PHACTR2: variants seen among roughly 807,000 people sequenced by gnomAD.
PHACTR2 encodes the protein chromosome 6 open reading frame 56.
A neutral mutation model predicts 76.0 loss-of-function variants in PHACTR2; 30 were observed. The ratio of observed to expected loss-of-function variants is 0.39; its 90% CI spans 0.30 to 0.54. PHACTR2 has a LOEUF of 0.54. Among genes scored for constraint, PHACTR2 ranks in the 20% least tolerant of loss-of-function variants. The probability of loss-of-function intolerance (pLI) is 0.61; values close to 1 mark genes in which losing one functional copy is unlikely to be tolerated. For synonymous variants in PHACTR2, 292 were observed against 292.5 expected, an observed-to-expected ratio of 1.00 and a Z score of 0.02; for missense variants, 696 against 781.1, an observed-to-expected ratio of 0.89 and a Z score of 1.30.
Position 143,759,011 on chromosome 6 carries a change from T to G in PHACTR2, c.455-1390T>G, listed in dbSNP as rs556392274. Among the ~76,000 whole-genome samples, 64 of 152,330 alleles carry G rather than the reference T, an allele frequency of 4.2e-4. 1 individual carries two copies. Among genetic ancestry groups the G allele is most frequent in the Admixed American group, 3.8e-3 (58 of 15,304 alleles). On this transcript the variant is annotated intron_variant, in intron 4 of 12. Coordinates refer to ENST00000440869, the MANE Select transcript of PHACTR2 (RefSeq NM_001100164.2). ...GCCTTGGTTAAGGCTCGATCTTGTC[T>G]TAACACTGTCTCAAGGTTTTTATTG...
rs900962258 is a variant in PHACTR2 at position 143,793,435 on chromosome 6, C to T, written c.1845+4525C>T. On this transcript the variant is annotated intron_variant, in intron 11 of 12. Transcript: ENST00000440869. This position sits in a 1 kb window ranked among gnomAD's most constrained non-coding sequence, Gnocchi z 4.4. ...TCCCTTGCAGATCTGAGCCCCAGAG[C>T]ACAGCCACTGCCCCTCTCTCCTCAC... Among the ~76,000 whole-genome samples the T allele has an allele frequency of 5.3e-5, 8 of 152,096 alleles. No individual in the cohort carries two copies. The highest frequency in any genetic ancestry group is 1.9e-4 in the African/African-American group (8 of 41,438).
rs925983652 is a variant in PHACTR2, at chr6:143,571,766, C to T, written c.217+34559C>T. Reference sequence around the variant, plus strand: ...TTCCTTACTTTCTGGGACCACAAGACGTTCCAGACTCATCTTGTGTTTTCT... The same window carrying T: ...TTCCTTACTTTCTGGGACCACAAGATGTTCCAGACTCATCTTGTGTTTTCT... On this transcript the variant is annotated intron_variant, in intron 1 of 11. Coordinates refer to the PHACTR2 transcript ENST00000367584. The surrounding 1 kb of genome is among the most constrained non-coding windows in gnomAD (Gnocchi z 4.6). Among the ~76,000 whole-genome samples the T allele has an allele frequency of 2.0e-5, 3 of 152,166 alleles. No individual in the cohort carries two copies. Among genetic ancestry groups the T allele is most frequent in the Non-Finnish European group, 4.4e-5 (3 of 68,040 alleles).
chr6:143,708,358 A>G lies in PHACTR2; in HGVS notation c.47-3658A>G, dbSNP rs755524015. 5.3e-5 allele frequency among the ~76,000 whole-genome samples: 8 copies of G among 152,206 alleles called. No homozygotes were observed. The highest frequency in any genetic ancestry group is 2.0e-4 in the Admixed American group (3 of 15,282). ...TTGATTAGCTAATGACTGTATTTCA[A>G]AATATGCTGTGTTTTAAAATGTAGA... On this transcript the variant is annotated intron_variant, in intron 1 of 12. Transcript: ENST00000440869. The surrounding 1 kb of genome is among the most constrained non-coding windows in gnomAD (Gnocchi z 5.5).
chr6:143,624,876 C>A lies in PHACTR2; in HGVS notation c.13+16554C>A, dbSNP rs1776226321. 6.6e-6 allele frequency among the ~76,000 whole-genome samples: 1 copy of A among 152,014 alleles called. No homozygotes were observed. The highest frequency in any genetic ancestry group is 6.5e-5 in the Admixed American group (1 of 15,272). On this transcript the variant is annotated intron_variant, in intron 1 of 11. Transcript: ENST00000305766. The surrounding 1 kb of genome is among the most constrained non-coding windows in gnomAD (Gnocchi z 4.6). ...AGCTGATAAAGTATAGTCAAGGAGG[C>A]CGGGAACGGTGCCTCACACCTGTAA...
rs1268171243 is a variant in PHACTR2, at chr6:143,813,430, T to A, written c.1922+6297T>A. 3.3e-5 allele frequency among the ~76,000 whole-genome samples: 5 copies of A among 151,976 alleles called. No individual in the cohort carries two copies. The East Asian group carries it at 9.6e-4, about 29-fold the overall frequency. ...GTCAGGAGATTGAGATCATCCTGGC[T>A]AACACGGTGAAACCCCATCTCTACT... On this transcript the variant is annotated intron_variant, in intron 12 of 12. Transcript: ENST00000440869.
In PHACTR2 at chr6:143,767,175, T is replaced by A. The variant is rs542721350; in HGVS notation, c.1232+1377T>A. ...TGTATTATCATTTTATTTACACAAG[T>A]CTTCCCAAAAGTATCCCTGTTTTAT... is the stretch of plus-strand genomic sequence containing the variant. On this transcript the variant is annotated intron_variant, in intron 6 of 12. Coordinates refer to ENST00000440869, the MANE Select transcript of PHACTR2 (RefSeq NM_001100164.2). The surrounding 1 kb of genome is among the most constrained non-coding windows in gnomAD (Gnocchi z 4.4). Among the ~76,000 whole-genome samples the A allele has an allele frequency of 6.6e-6, 1 of 152,360 alleles. No homozygotes were observed. The highest frequency in any genetic ancestry group is 2.1e-4 in the South Asian group (1 of 4,830).
chr6:143,590,635 C>T (rs754224235), intron 1 of PHACTR2, among the ~76,000 whole-genome samples: 5 of 151,896 alleles, frequency 3.3e-5, no homozygotes, highest in Non-Finnish European at 7.4e-5. Context: ...CCATTCAGTG[C>T]AATTTTTAGG....
chr6:143,607,501 G>A (rs1321243477), upstream of PHACTR2, among the ~76,000 whole-genome samples: 3 of 152,206 alleles, frequency 2.0e-5, no homozygotes, highest in Non-Finnish European at 2.9e-5. Flanking sequence ...AGCCACAGAT[G>A]ATAACGGACT....
intron 1 of PHACTR2, among the ~76,000 whole-genome samples, chr6:143,706,682 T>G (rs1363859310): frequency 6.6e-6 from 1 of 152,236 alleles, no homozygotes; most frequent in Non-Finnish European, 1.5e-5. Context: ...CTCTTCTCCA[T>G]TTGCCATTTA....
At chr6:143,707,134 T>A (rs1778072348) in intron 1 of PHACTR2, among the ~76,000 whole-genome samples, 1 of 151,988 alleles carries the variant, frequency 6.6e-6, no homozygotes, top group Non-Finnish European at 1.5e-5. Flanking sequence ...GAAATAAAAA[T>A]ATACACAGAT....
At chr6:143,555,952 CA>C (rs908886956) in intron 1 of PHACTR2, among the ~76,000 whole-genome samples, 4 of 134,116 alleles carry the variant, frequency 3.0e-5, no homozygotes, top group African/African-American at 1.1e-4. Context: ...GACTGTTGTT[CA>C]AAAAAATGAT....
At position 143,598,599 on chromosome 6, in the gene PHACTR2, C is replaced by T. The variant is rs893110945; in HGVS notation, c.217+61392C>T. ...GCAGAAGTGTGGGCCAGGGAGGGAT[C>T]GCAGTCATCTGATGGCAAAGCACTT... On this transcript the variant is annotated intron_variant, in intron 1 of 11. Coordinates refer to the PHACTR2 transcript ENST00000367584. This position sits in a 1 kb window ranked among gnomAD's most constrained non-coding sequence, Gnocchi z 4.1. 3.9e-5 allele frequency among the ~76,000 whole-genome samples: 6 copies of T among 152,162 alleles called. No homozygotes were observed. The highest frequency in any genetic ancestry group is 1.9e-4 in the East Asian group (1 of 5,192).
At position 143,679,191 on chromosome 6, in the gene PHACTR2, G is replaced by A. The variant is rs1777327710; in HGVS notation, c.46+982G>A. On this transcript the variant is annotated intron_variant, in intron 1 of 12. Transcript: ENST00000440869. This position sits in a 1 kb window ranked among gnomAD's most constrained non-coding sequence, Gnocchi z 4.6. Reference sequence around the variant, plus strand: ...CTGCCTCAGGATGTCTAGCTAGATAGCATTCTGTCATTCCAACCCCCCACC... The same window carrying A: ...CTGCCTCAGGATGTCTAGCTAGATAACATTCTGTCATTCCAACCCCCCACC... Among the ~76,000 whole-genome samples the A allele has an allele frequency of 6.6e-6, 1 of 152,202 alleles. No individual in the cohort carries two copies. Among genetic ancestry groups the A allele is most frequent in the Admixed American group, 6.5e-5 (1 of 15,282 alleles).
At chr6:143,560,472 C>G (rs1316980700) in intron 1 of PHACTR2, among the ~76,000 whole-genome samples, 1 of 152,216 alleles carries the variant, frequency 6.6e-6, no homozygotes, top group Admixed American at 6.5e-5. Context: ...AGCTCTTCCA[C>G]TTTGATTCTA....
In PHACTR2 at chr6:143,548,328, G is replaced by T. The variant is rs1023069274; in HGVS notation, c.217+11121G>T. Reference sequence around the variant, plus strand: ...TAATACCATCATGTTAGGGGATAGGGTTCTAATGTTTGGATTTTGAAGGGA... The same window carrying T: ...TAATACCATCATGTTAGGGGATAGGTTTCTAATGTTTGGATTTTGAAGGGA... On this transcript the variant is annotated intron_variant, in intron 1 of 11. Coordinates refer to the PHACTR2 transcript ENST00000367584. The surrounding 1 kb of genome is among the most constrained non-coding windows in gnomAD (Gnocchi z 4.5). 4.7e-5 allele frequency among the ~76,000 whole-genome samples: 7 copies of T among 150,064 alleles called. No individual in the cohort carries two copies. The highest frequency in any genetic ancestry group is 9.0e-5 in the Non-Finnish European group (6 of 66,662).
chr6:143,562,448 A>G lies in PHACTR2; in HGVS notation c.217+25241A>G, dbSNP rs950410563. On this transcript the variant is annotated intron_variant, in intron 1 of 11. Transcript: ENST00000367584. The surrounding 1 kb of genome is among the most constrained non-coding windows in gnomAD (Gnocchi z 5.1). ...AAGTGACCAGGTCTCACGAGAACTC[A>G]CTCACTATTGCAAAGACAGCACCAA... 6.6e-6 allele frequency among the ~76,000 whole-genome samples: 1 copy of G among 152,076 alleles called. No individual in the cohort carries two copies. Among genetic ancestry groups the G allele is most frequent in the African/African-American group, 2.4e-5 (1 of 41,392 alleles).
rs1296155240 is a variant in PHACTR2, at chr6:143,616,043, T to C, written c.13+7721T>C. On this transcript the variant is annotated intron_variant, in intron 1 of 11. Transcript: ENST00000305766. The surrounding 1 kb of genome is among the most constrained non-coding windows in gnomAD (Gnocchi z 4.9). ...TAGTTTCAAAGTTTCAGTTTCAGGTTTCAGAGCTATGGTTTCAAAGTTTCA... is the reference window on the plus strand; with the variant it reads ...TAGTTTCAAAGTTTCAGTTTCAGGTCTCAGAGCTATGGTTTCAAAGTTTCA... Among the ~76,000 whole-genome samples, 2 of 152,238 alleles carry C rather than the reference T, an allele frequency of 1.3e-5. No individual in the cohort carries two copies. The highest frequency in any genetic ancestry group is 1.3e-4 in the Admixed American group (2 of 15,282).
At chr6:143,763,626 G>A (rs185386129) in intron 5 of PHACTR2, among the ~76,000 whole-genome samples, 1 of 152,236 alleles carries the variant, frequency 6.6e-6, no homozygotes, top group African/African-American at 2.4e-5. Flanking sequence ...TATCTTAAAC[G>A]ATAAAGACCC....
rs1035755861 is a variant in PHACTR2 at position 143,570,282 on chromosome 6, C to T, written c.217+33075C>T. 6.6e-6 allele frequency among the ~76,000 whole-genome samples: 1 copy of T among 152,182 alleles called. No individual in the cohort carries two copies. The highest frequency in any genetic ancestry group is 2.4e-5 in the African/African-American group (1 of 41,436). On this transcript the variant is annotated intron_variant, in intron 1 of 11. Coordinates refer to the PHACTR2 transcript ENST00000367584. The surrounding 1 kb of genome is among the most constrained non-coding windows in gnomAD (Gnocchi z 4.6). ...ACGAGGTTGCTGTTGGTCTGAGTCA[C>T]AGGTGAAGCCCCATTTGTTTTTCCA...
Sources: gnomAD v4.1 joint callset for allele counts (sites outside exome capture counted in the v4.1 genomes callset) on GRCh38, gnomAD v4.1.1 for gene constraint, Gnocchi (gnomAD v3.1) non-coding constraint, MANE v1.5 for transcripts, NCBI Gene and HGNC (gene_info 2026-07-23, HGNC 2026-07-21) for gene names.